Variants in RAPGEF4 observed in about 807,000 individuals in gnomAD.
RAPGEF4 encodes Rap guanine nucleotide exchange factor 4, also known as RAP guanine-nucleotide-exchange factor (GEF) 4.
RAPGEF4 carries 66 observed loss-of-function variants against 147.9 expected under a neutral mutation model. That is an observed-to-expected ratio of 0.45 (90% CI 0.37 to 0.55). RAPGEF4 has a LOEUF of 0.55. Ranked by LOEUF, RAPGEF4 falls within the 20% of genes least tolerant of loss-of-function variation. The probability of loss-of-function intolerance (pLI) is 0.00; values close to 1 mark genes in which losing one functional copy is unlikely to be tolerated. For missense variants in RAPGEF4, 1,071 were observed against 1,257.3 expected (o/e 0.85, Z 2.24); for synonymous variants, 419 against 442.7 (o/e 0.95, Z 0.67).
chr2:173,047,507 C>T (rs890605333), intron 29 of RAPGEF4, among the ~76,000 whole-genome samples: 1 of 151,950 alleles, frequency 6.6e-6, no homozygotes, highest in African/African-American at 2.4e-5. Flanking sequence ...AATTTCAAAT[C>T]AAAATAAAAT....
intron 4 of RAPGEF4, among the ~76,000 whole-genome samples, chr2:172,842,231 A>G (rs1193995041): frequency 6.6e-6 from 1 of 152,202 alleles, no homozygotes; most frequent in African/African-American, 2.4e-5. Flanking sequence ...ATTGAGTGCT[A>G]TTCAAGCTTC....
intron 29 of RAPGEF4, among the ~76,000 whole-genome samples, chr2:173,047,789 G>T (rs987707113): frequency 6.6e-6 from 1 of 151,870 alleles, no homozygotes; most frequent in Non-Finnish European, 1.5e-5. Context: ...CCATTCTCCT[G>T]CCTCAGCCTC....
At chr2:172,982,135 A>C (rs11895261) in intron 10 of RAPGEF4, among the ~76,000 whole-genome samples, 11,119 of 152,246 alleles carry the variant, frequency 0.073, 592 homozygotes, top group South Asian at 0.16. Context: ...CTTGATTTTC[A>C]GACGCTAAAT....
intron 4 of RAPGEF4, among the ~76,000 whole-genome samples, chr2:172,841,520 A>G (rs1373035740): frequency 6.6e-6 from 1 of 152,138 alleles, no homozygotes; most frequent in African/African-American, 2.4e-5. Flanking sequence ...AATTTTGGAT[A>G]TAATTTTGGA....
Position 172,811,308 on chromosome 2 carries a change from C to T in RAPGEF4, c.298-2971C>T, listed in dbSNP as rs138821794. On this transcript the variant is annotated intron_variant, in intron 3 of 30. Coordinates refer to ENST00000397081, the MANE Select transcript of RAPGEF4 (RefSeq NM_007023.4). ...GGCTCCAGCAGCATCTGCTAAACCA[C>T]CATCACATATTGAAGTCGGGTTTTT... 2.5e-3 allele frequency among the ~76,000 whole-genome samples: 385 copies of T among 152,362 alleles called. 1 individual carries two copies. The highest frequency in any genetic ancestry group is 8.5e-3 in the African/African-American group (355 of 41,590).
At chr2:172,874,714 G>T (rs1174531642) in intron 4 of RAPGEF4, among the ~76,000 whole-genome samples, 2 of 152,278 alleles carry the variant, frequency 1.3e-5, no homozygotes, top group East Asian at 1.9e-4. Context: ...ACATACATGT[G>T]CATGTGTCTT....
intron 4 of RAPGEF4, among the ~76,000 whole-genome samples, chr2:172,835,028 C>A (rs565326934): frequency 3.9e-5 from 6 of 152,312 alleles, no homozygotes; most frequent in African/African-American, 1.4e-4. Context: ...CTAGCTGACA[C>A]CAGTACGTTA....
chr2:172,788,125 C>T (rs1452365715), intron 1 of RAPGEF4, among the ~76,000 whole-genome samples: 4 of 152,126 alleles, frequency 2.6e-5, no homozygotes, highest in African/African-American at 9.7e-5. Flanking sequence ...TAGCACTAAT[C>T]CCATTCATGA....
At chr2:172,975,966 A>G (rs1196351898) in intron 10 of RAPGEF4, among the ~76,000 whole-genome samples, 1 of 151,188 alleles carries the variant, frequency 6.6e-6, no homozygotes, top group African/African-American at 2.4e-5. Context: ...TGATCAAACC[A>G]CATTGTCCTA....
intron 4 of RAPGEF4, among the ~76,000 whole-genome samples, chr2:172,902,649 A>C (rs545968681): frequency 6.6e-6 from 1 of 152,206 alleles, no homozygotes; most frequent in Admixed American, 6.5e-5. Flanking sequence ...TAGCTAAAGC[A>C]CCACTTTCAT....
Position 172,811,375 on chromosome 2 carries a change from A to G in RAPGEF4, c.298-2904A>G, listed in dbSNP as rs1324007295. Among the ~76,000 whole-genome samples the G allele has an allele frequency of 2.6e-5, 4 of 152,350 alleles. No individual in the cohort carries two copies. The East Asian group carries it at 7.7e-4, about 29-fold the overall frequency. ...TTTGAAAGTTCTCAAAACAAAGTGC[A>G]ATCTTATCACAAAATAGGACATTCC... On this transcript the variant is annotated intron_variant, in intron 3 of 30. Transcript: ENST00000397081.
Position 172,767,993 on chromosome 2 carries a change from G to A in RAPGEF4, c.66-27032G>A, listed in dbSNP as rs573172472. On this transcript the variant is annotated intron_variant, in intron 1 of 30. Coordinates refer to ENST00000397081, the MANE Select transcript of RAPGEF4 (RefSeq NM_007023.4). ...GCCCAGCTCATTTTTTTTATTTTTA[G>A]TAGAGACGGGGTTTCGTCATGTTGG... Among the ~76,000 whole-genome samples the A allele has an allele frequency of 9.9e-5, 15 of 151,946 alleles. No individual in the cohort carries two copies. In the South Asian group the frequency reaches 2.7e-3, roughly 27 times the overall value.
Position 172,775,649 on chromosome 2 carries a change from A to G in RAPGEF4, c.66-19376A>G, listed in dbSNP as rs1263353428. 2.0e-5 allele frequency among the ~76,000 whole-genome samples: 3 copies of G among 152,158 alleles called. No homozygotes were observed. In the East Asian group the frequency reaches 5.8e-4, roughly 29 times the overall value. On this transcript the variant is annotated intron_variant, in intron 1 of 30. Coordinates refer to ENST00000397081, the MANE Select transcript of RAPGEF4 (RefSeq NM_007023.4). Reference sequence around the variant, plus strand: ...TTCAAGGCATCTGGCTTTTTTTGGCATTTGTAGTTTTGGAACTATGAAAAT... The same window carrying G: ...TTCAAGGCATCTGGCTTTTTTTGGCGTTTGTAGTTTTGGAACTATGAAAAT...
chr2:173,045,221 G>C (rs1408807938), intron 29 of RAPGEF4, among the ~76,000 whole-genome samples: 1 of 152,222 alleles, frequency 6.6e-6, no homozygotes, highest in African/African-American at 2.4e-5. Context: ...TACGTGCACA[G>C]AGCAGAAAGC....
intron 10 of RAPGEF4, among the ~76,000 whole-genome samples, chr2:172,974,688 A>G (rs930515268): frequency 1.3e-5 from 2 of 152,162 alleles, no homozygotes; most frequent in Admixed American, 6.5e-5. Flanking sequence ...ATCTCAAAAA[A>G]ATAAAATTAT....
chr2:172,760,543 C>G (rs1306396745), intron 1 of RAPGEF4, among the ~76,000 whole-genome samples: 1 of 151,908 alleles, frequency 6.6e-6, no homozygotes, highest in African/African-American at 2.4e-5. Context: ...ATGGTGAAAC[C>G]CTGTCTCTAC....
rs1686238274 is a variant in RAPGEF4 at position 172,795,136 on chromosome 2, T to C, written c.177T>C (p.Gly59=). The C allele has an allele frequency of 6.2e-7, 1 of 1,611,422 alleles. No individual in the cohort carries two copies. Among genetic ancestry groups the C allele is most frequent in the Admixed American group, 1.7e-5 (1 of 60,024 alleles). ...TCCTTCATCAGATTTGCTTATGTGG[T>C]TATTATGAGAATCTGGAAAAGGGAA... is the stretch of plus-strand genomic sequence containing the variant. ...PNLLHQICLC[G]YYENLEKGIT... The change falls in exon 2 of 31, where the codon GGT becomes GGC. Residue 59 remains glycine (G), a synonymous_variant. Coordinates refer to ENST00000397081, the MANE Select transcript of RAPGEF4 (RefSeq NM_007023.4).
In RAPGEF4 at chr2:172,953,184, A is replaced by G. The variant is rs35789699; in HGVS notation, c.538-7576A>G. Among the ~76,000 whole-genome samples the G allele has an allele frequency of 8.2e-3, 1,232 of 150,118 alleles. 11 individuals carry two copies. The highest frequency in any genetic ancestry group is 0.014 in the Non-Finnish European group (915 of 67,630). ...TATGAGCCACTTAAAAAATATATAT[A>G]TAATAGCTATCTATTATAGATATTT... On this transcript the variant is annotated intron_variant, in intron 6 of 30. Transcript: ENST00000397081.
At chr2:172,791,857 T>C (rs1685861686) in intron 1 of RAPGEF4, among the ~76,000 whole-genome samples, 1 of 152,152 alleles carries the variant, frequency 6.6e-6, no homozygotes, top group Admixed American at 6.5e-5. Flanking sequence ...AGGCTAAAAA[T>C]CTTTTTAGCT....
Sources: allele counts gnomAD v4.1 joint callset (sites outside exome capture counted in the v4.1 genomes callset), GRCh38; gene constraint gnomAD v4.1.1; transcripts MANE v1.5; gene names NCBI Gene and HGNC (gene_info 2026-07-23, HGNC 2026-07-21).